Variants in CSMD1 observed in about 807,000 individuals in gnomAD.
CSMD1 encodes CUB and Sushi multiple domains 1.
Under a neutral mutation model 417.5 loss-of-function variants are expected in CSMD1, and 213 were observed. The ratio of observed to expected loss-of-function variants is 0.51; its 90% CI spans 0.46 to 0.57. The LOEUF is 0.57. CSMD1 is among the 20% of genes least tolerant of loss of function. The probability of loss-of-function intolerance (pLI) is 0.00; values close to 1 mark genes in which losing one functional copy is unlikely to be tolerated. For missense variants in CSMD1, 6,923 were observed against 4,529.7 expected (o/e 1.53, Z -15.17); for synonymous variants, 2,862 against 1,736.8 (o/e 1.65, Z -16.11).
At chr8:4,066,522 C>T (rs922198383) in intron 3 of CSMD1, among the ~76,000 whole-genome samples, 27 of 152,090 alleles carry the variant, frequency 1.8e-4, no homozygotes, top group African/African-American at 6.3e-4. Flanking sequence ...TGTATTATTT[C>T]TAAATGTATC....
chr8:4,321,983 GTTAA>G (rs1201799121), intron 3 of CSMD1, among the ~76,000 whole-genome samples: 1 of 151,868 alleles, frequency 6.6e-6, no homozygotes, highest in Non-Finnish European at 1.5e-5. Flanking sequence ...CATAGACATT[GTTAA>G]TTATCTTCAA....
At chr8:4,935,219 T>A (rs896957969) in intron 1 of CSMD1, among the ~76,000 whole-genome samples, 3 of 152,222 alleles carry the variant, frequency 2.0e-5, no homozygotes, top group African/African-American at 7.2e-5. Flanking sequence ...ATGTGGTCCC[T>A]GGATCCAGAG....
chr8:3,684,280 TTATA>T (rs902348988), intron 7 of CSMD1, among the ~76,000 whole-genome samples: 4 of 144,418 alleles, frequency 2.8e-5, no homozygotes, highest in African/African-American at 1.0e-4. Context: ...ATGTTATATA[TTATA>T]TATAATATAT....
At chr8:4,035,058 C>G (rs574567398) in intron 3 of CSMD1, among the ~76,000 whole-genome samples, 1 of 152,184 alleles carries the variant, frequency 6.6e-6, no homozygotes, top group Admixed American at 6.5e-5. Context: ...AAATGATTAT[C>G]GTGCAGAAAG....
chr8:4,286,722 C>T (rs75846605), intron 3 of CSMD1, among the ~76,000 whole-genome samples: 194 of 152,292 alleles, frequency 1.3e-3, no homozygotes, highest in African/African-American at 4.2e-3. Flanking sequence ...GCAGCTCACA[C>T]GGTAGACTCC....
chr8:4,455,707 G>A (rs559865141), intron 2 of CSMD1, among the ~76,000 whole-genome samples: 35 of 151,728 alleles, frequency 2.3e-4, no homozygotes, highest in East Asian at 3.9e-4. Context: ...GAAGCGGGTC[G>A]ATCACCTGAG....
intron 3 of CSMD1, among the ~76,000 whole-genome samples, chr8:4,321,676 A>C (rs932105025): frequency 3.3e-5 from 5 of 152,226 alleles, no homozygotes; most frequent in Admixed American, 2.6e-4. Context: ...GCTGTTCAAC[A>C]TTCCTAAGAT....
intron 26 of CSMD1, among the ~76,000 whole-genome samples, chr8:3,238,503 C>T (rs779436255): frequency 4.0e-5 from 6 of 151,740 alleles, no homozygotes; most frequent in African/African-American, 7.3e-5. Flanking sequence ...ACATAATGGG[C>T]GATGTTTCTC....
chr8:4,120,045 A>G (rs1455611267), intron 3 of CSMD1, among the ~76,000 whole-genome samples: 1 of 152,212 alleles, frequency 6.6e-6, no homozygotes, highest in Admixed American at 6.5e-5. Flanking sequence ...ACATTTAAAA[A>G]TAACAGAGTA....
At chr8:3,062,528 C>T (rs757564670) in intron 49 of CSMD1, among the ~76,000 whole-genome samples, 6 of 148,808 alleles carry the variant, frequency 4.0e-5, no homozygotes, top group Non-Finnish European at 5.9e-5. Context: ...CTAAAGCAAA[C>T]TTAAAAACAA....
rs1403310087 is a variant in CSMD1 at position 3,933,395 on chromosome 8, G to T, written c.818+64508C>A. Among the ~76,000 whole-genome samples the T allele has an allele frequency of 2.0e-5, 3 of 152,158 alleles. No individual in the cohort carries two copies. In the South Asian group the frequency reaches 6.2e-4, roughly 32 times the overall value. On this transcript the variant is annotated intron_variant, in intron 5 of 69. Coordinates refer to ENST00000635120, the MANE Select transcript of CSMD1 (RefSeq NM_033225.6). Reference sequence around the variant, plus strand: ...TTAGTACTAACTGAAATAAATAAATGAGTCTATCAGGACTTGTATGTATGA... The same window carrying T: ...TTAGTACTAACTGAAATAAATAAATTAGTCTATCAGGACTTGTATGTATGA...
intron 1 of CSMD1, among the ~76,000 whole-genome samples, chr8:4,771,933 C>A (rs185216142): frequency 6.6e-6 from 1 of 152,290 alleles, no homozygotes; most frequent in Non-Finnish European, 1.5e-5. Context: ...CTAGCCCATC[C>A]CGGGGATCTC....
At chr8:4,153,836 G>A (rs571257674) in intron 3 of CSMD1, among the ~76,000 whole-genome samples, 1 of 152,194 alleles carries the variant, frequency 6.6e-6, no homozygotes, top group Non-Finnish European at 1.5e-5. Flanking sequence ...AACGTCACAT[G>A]CAAGTGGTGA....
intron 9 of CSMD1, among the ~76,000 whole-genome samples, chr8:3,581,466 C>T (rs1248964918): frequency 6.6e-6 from 1 of 152,194 alleles, no homozygotes; most frequent in Non-Finnish European, 1.5e-5. Context: ...TAAGCATTGG[C>T]TAACCACACC....
intron 2 of CSMD1, among the ~76,000 whole-genome samples, chr8:4,432,588 C>T (rs1295469463): frequency 4.6e-5 from 7 of 152,136 alleles, no homozygotes; most frequent in Admixed American, 3.9e-4. Flanking sequence ...CAGTAAAGCT[C>T]ACTCCTTTTG....
intron 1 of CSMD1, among the ~76,000 whole-genome samples, chr8:4,735,228 G>A (rs779455795): frequency 5.9e-5 from 9 of 152,120 alleles, no homozygotes; most frequent in Admixed American, 2.0e-4. Flanking sequence ...AAATGCGAGA[G>A]GATACTTGAG....
At chr8:4,038,757 T>C (rs1797742442) in intron 3 of CSMD1, among the ~76,000 whole-genome samples, 2 of 152,222 alleles carry the variant, frequency 1.3e-5, no homozygotes, top group Admixed American at 6.5e-5. Flanking sequence ...AGACATTTGG[T>C]AACGTGAAAG....
At chr8:4,832,861 G>T (rs745582377) in intron 1 of CSMD1, among the ~76,000 whole-genome samples, 14 of 152,108 alleles carry the variant, frequency 9.2e-5, no homozygotes, top group Non-Finnish European at 1.5e-4. Context: ...GTGTGTGAGG[G>T]CGTATGAGAA....
At chr8:4,200,009 A>G (rs776880447) in intron 3 of CSMD1, among the ~76,000 whole-genome samples, 69 of 152,196 alleles carry the variant, frequency 4.5e-4, no homozygotes, top group Non-Finnish European at 7.9e-4. Flanking sequence ...AGGGCCCTGG[A>G]CTTGTTGAAA....
Sources: gnomAD v4.1 joint callset for allele counts (sites outside exome capture counted in the v4.1 genomes callset) on GRCh38, gnomAD v4.1.1 for gene constraint, MANE v1.5 for transcripts, NCBI Gene and HGNC (gene_info 2026-07-23, HGNC 2026-07-21) for gene names.